The following LRP1B variants were observed in gnomAD, a reference collection of about 807,000 sequenced individuals.
LRP1B encodes the protein LDL receptor related protein 1B.
A neutral mutation model predicts 556.6 loss-of-function variants in LRP1B; 217 were observed. The observed-to-expected ratio is 0.39, with a 90% CI of 0.35 to 0.44. The LOEUF is 0.44. Among genes scored for constraint, LRP1B ranks in the 20% least tolerant of loss-of-function variants. LRP1B has a pLI of 1.00. For synonymous variants in LRP1B, 2,047 were observed against 1,865.8 expected (o/e 1.10, Z -2.50); for missense variants, 5,053 against 5,620.8 (o/e 0.90, Z 3.23).
chr2:141,324,216 C>T (rs1284326700), intron 3 of LRP1B, among the ~76,000 whole-genome samples: 1 of 151,930 alleles, frequency 6.6e-6, no homozygotes, highest in African/African-American at 2.4e-5. Context: ...GAACAAGACC[C>T]TCTCCCAAAC....
At chr2:142,120,115 T>TTTTG (rs1553519481) in intron 1 of LRP1B, among the ~76,000 whole-genome samples, 57,359 of 151,730 alleles carry the variant, frequency 0.38, 11,391 homozygotes, top group Middle Eastern at 0.53. Context: ...CTACAGGTTT[T>TTTTG]TTTGTTTGTT....
chr2:141,730,212 G>GAGAC (rs1224265481), intron 2 of LRP1B, among the ~76,000 whole-genome samples: 1 of 152,136 alleles, frequency 6.6e-6, no homozygotes, highest in African/African-American at 2.4e-5. Flanking sequence ...TACTGTGCAA[G>GAGAC]AGACGGAGAA....
At chr2:140,938,665 G>T (rs138254194) in intron 20 of LRP1B, among the ~76,000 whole-genome samples, 111 of 152,056 alleles carry the variant, frequency 7.3e-4, no homozygotes, top group Non-Finnish European at 1.3e-3. Flanking sequence ...GCATAATCTT[G>T]GGAAAATATC....
chr2:141,039,745 G>A (rs935732676), intron 11 of LRP1B, among the ~76,000 whole-genome samples: 2 of 152,004 alleles, frequency 1.3e-5, no homozygotes, highest in African/African-American at 4.8e-5. Context: ...GAACCCTCTA[G>A]CCACCATAGC....
At chr2:140,500,849 T>C (rs527622490) in intron 55 of LRP1B, among the ~76,000 whole-genome samples, 2 of 152,012 alleles carry the variant, frequency 1.3e-5, no homozygotes, top group East Asian at 1.9e-4. Context: ...TAGAACAAAA[T>C]TTAAACCCTG....
At chr2:141,485,008 T>C (rs4430882) in intron 2 of LRP1B, among the ~76,000 whole-genome samples, 77,476 of 151,914 alleles carry the variant, frequency 0.51, 19,944 homozygotes, top group Non-Finnish European at 0.54. Flanking sequence ...AAAATACCCA[T>C]CTGGTGGCCA....
chr2:142,128,128 C>T lies in LRP1B; in HGVS notation c.82+2520G>A, dbSNP rs996682755. On this transcript the variant is annotated intron_variant, in intron 1 of 90. Transcript: ENST00000389484. ...AATAAGGAATTAAAAGACAAGTGCA[C>T]GTATATGGTTTGAACATAAACATAC... is the stretch of plus-strand genomic sequence containing the variant. Among the ~76,000 whole-genome samples the T allele has an allele frequency of 3.9e-5, 6 of 152,104 alleles. 1 individual carries two copies. The highest frequency in any genetic ancestry group is 2.0e-4 in the Admixed American group (3 of 15,268).
chr2:141,265,601 T>C (rs747426290), intron 3 of LRP1B, among the ~76,000 whole-genome samples: 5 of 152,226 alleles, frequency 3.3e-5, no homozygotes, highest in Admixed American at 6.5e-5. Context: ...GCTAAGGAAC[T>C]CTTCCTTTAG....
chr2:141,233,963 T>C (rs1009410751), intron 5 of LRP1B, among the ~76,000 whole-genome samples: 2 of 152,080 alleles, frequency 1.3e-5, no homozygotes, highest in Non-Finnish European at 2.9e-5. Flanking sequence ...CTCCACTAAA[T>C]GAAGCTCCCA....
intron 1 of LRP1B, among the ~76,000 whole-genome samples, chr2:142,123,192 C>T (rs1268322166): frequency 6.6e-6 from 1 of 151,960 alleles, no homozygotes; most frequent in Non-Finnish European, 1.5e-5. Context: ...ACAAAGCAAC[C>T]ATAACTAAGT....
chr2:140,834,151 AT>A (rs1691815769), intron 31 of LRP1B, among the ~76,000 whole-genome samples: 1 of 152,172 alleles, frequency 6.6e-6, no homozygotes, highest in African/African-American at 2.4e-5. Flanking sequence ...TTTTTATATA[AT>A]GATCCTTACT....
intron 2 of LRP1B, among the ~76,000 whole-genome samples, chr2:141,766,365 G>A (rs1242514229): frequency 6.6e-6 from 1 of 152,144 alleles, no homozygotes; most frequent in Non-Finnish European, 1.5e-5. Flanking sequence ...CACACAACAA[G>A]CTGCTCTGTA....
intron 37 of LRP1B, among the ~76,000 whole-genome samples, chr2:140,711,708 A>T (rs1687036430): frequency 6.6e-6 from 1 of 152,154 alleles, no homozygotes; most frequent in Admixed American, 6.6e-5. Flanking sequence ...TTGCTACAAT[A>T]GCTTCAGCAA....
chr2:140,235,923 ATTAT>A (rs1485462549), intron 89 of LRP1B, among the ~76,000 whole-genome samples: 3 of 151,112 alleles, frequency 2.0e-5, no homozygotes, highest in African/African-American at 4.8e-5. Context: ...TCAGAACTCT[ATTAT>A]TTGTCTTTCT....
chr2:141,072,281 AATC>A (rs1161851553), intron 7 of LRP1B, among the ~76,000 whole-genome samples: 1 of 152,126 alleles, frequency 6.6e-6, no homozygotes, highest in African/African-American at 2.4e-5. Context: ...ATCCTTGAAG[AATC>A]ATCTACAATC....
At chr2:140,985,112 T>C (rs1426434657) in intron 17 of LRP1B, among the ~76,000 whole-genome samples, 1 of 152,006 alleles carries the variant, frequency 6.6e-6, no homozygotes, top group Non-Finnish European at 1.5e-5. Context: ...ATTGTTTATC[T>C]AGCTGCTGAA....
rs80318244 is a variant in LRP1B at position 141,586,596 on chromosome 2, A to G, written c.206-106063T>C. Reference sequence around the variant, plus strand: ...GATATATGATGATGTTTATATTTGTACTCCACAAACACCACACTCAAATGC... The same window carrying G: ...GATATATGATGATGTTTATATTTGTGCTCCACAAACACCACACTCAAATGC... On this transcript the variant is annotated intron_variant, in intron 2 of 90. Transcript: ENST00000389484. 8.0e-3 allele frequency among the ~76,000 whole-genome samples: 1,211 copies of G among 152,220 alleles called. 17 individuals carry two copies. Among genetic ancestry groups the G allele is most frequent in the African/African-American group, 0.027 (1,140 of 41,524 alleles).
intron 59 of LRP1B, among the ~76,000 whole-genome samples, chr2:140,477,483 T>G (rs1460318823): frequency 6.6e-6 from 1 of 152,154 alleles, no homozygotes; most frequent in African/African-American, 2.4e-5. Context: ...CTACTCTACA[T>G]GTAATTGTAC....
chr2:141,411,476 G>A (rs1029099513), intron 3 of LRP1B, among the ~76,000 whole-genome samples: 1 of 152,060 alleles, frequency 6.6e-6, no homozygotes, highest in Non-Finnish European at 1.5e-5. Context: ...TCTGAAACAG[G>A]TATGACATTG....
Sources: allele counts gnomAD v4.1 joint callset (sites outside exome capture counted in the v4.1 genomes callset), GRCh38; gene constraint gnomAD v4.1.1; transcripts MANE v1.5; gene names NCBI Gene and HGNC (gene_info 2026-07-23, HGNC 2026-07-21).